POMZP3: variants seen among roughly 807,000 people sequenced by gnomAD.
POMZP3 encodes POM121 and ZP3 fusion protein.
POMZP3 carries 10 observed loss-of-function variants against 19.8 expected under a neutral mutation model. The observed-to-expected ratio is 0.51, with a 90% CI of 0.31 to 0.86. POMZP3 has a LOEUF of 0.86. Among genes scored for constraint, POMZP3 ranks in the 40% least tolerant of loss-of-function variants. The pLI, the probability that POMZP3 is intolerant of heterozygous loss-of-function variation, is 0.04. For missense variants in POMZP3, 152 were observed against 228.1 expected, an observed-to-expected ratio of 0.67 and a Z score of 2.15; for synonymous variants, 57 against 85.8, an observed-to-expected ratio of 0.66 and a Z score of 1.85.
At chr7:76,620,757 C>G (rs923883889) in intron 3 of POMZP3, among the ~76,000 whole-genome samples, 12 of 151,866 alleles carry the variant, frequency 7.9e-5, no homozygotes, top group Non-Finnish European at 1.3e-4. Flanking sequence ...CGTGAGTCAC[C>G]TGCCCAGATG....
chr7:76,620,351 C>G (rs1336777891), intron 3 of POMZP3, among the ~76,000 whole-genome samples: 2 of 87,368 alleles, frequency 2.3e-5, no homozygotes, highest in Non-Finnish European at 4.7e-5. Flanking sequence ...AAAAAAAGGA[C>G]AACACGTGGG....
At chr7:76,611,946 C>A in intron 4 of POMZP3, 133 bp from the exon 5 acceptor site, 1 of 1,498,262 alleles carries the variant, frequency 6.7e-7, no homozygotes, top group East Asian at 2.4e-5. Context: ...CACCTATAAT[C>A]CCAGCACTTT....
chr7:76,620,526 T>G (rs578222649), intron 3 of POMZP3, among the ~76,000 whole-genome samples: 1 of 150,180 alleles, frequency 6.7e-6, no homozygotes, highest in Non-Finnish European at 1.5e-5. Flanking sequence ...TAGAGTGCAA[T>G]GGTATGATCC....
rs1056119 is a variant in POMZP3 at position 76,626,174 on chromosome 7, C to G, written c.-110G>C. On this transcript the variant is annotated 5_prime_UTR_variant, in exon 2 of 7. Coordinates refer to ENST00000310842, the MANE Select transcript of POMZP3 (RefSeq NM_012230.5). ...GGCCTGATGGATCGGATAGCGTCTT[C>G]GAGGTGTTATTACAAACCGATCTGG... The G allele has an allele frequency of 3.8e-6, 6 of 1,586,176 alleles. No individual in the cohort carries two copies. In the African/African-American group the frequency reaches 5.4e-5, roughly 14 times the overall value.
intron 3 of POMZP3, among the ~76,000 whole-genome samples, chr7:76,618,892 A>G (rs1489166743): frequency 2.6e-5 from 4 of 151,968 alleles, no homozygotes; most frequent in African/African-American, 9.7e-5. Flanking sequence ...GGTTCAAGTG[A>G]TCTTCCTGCC....
chr7:76,624,942 C>T (rs967025808), intron 3 of POMZP3, among the ~76,000 whole-genome samples: 1 of 151,054 alleles, frequency 6.6e-6, no homozygotes, highest in Non-Finnish European at 1.5e-5. Flanking sequence ...ACCATCCTGG[C>T]CAACATGGTG....
In POMZP3 at chr7:76,626,148, G is replaced by T; in HGVS notation, c.-84C>A. 3 of 1,608,342 alleles carry T rather than the reference G, an allele frequency of 1.9e-6. No homozygotes were observed. The highest frequency in any genetic ancestry group is 2.5e-6 in the Non-Finnish European group (3 of 1,177,074). On this transcript the variant is annotated 5_prime_UTR_variant, in exon 2 of 7. Coordinates refer to ENST00000310842, the MANE Select transcript of POMZP3 (RefSeq NM_012230.5). ...GGAAGTACCCCCGGACAGGAATACTGGGCCTGATGGATCGGATAGCGTCTT... is the reference window on the plus strand; with the variant it reads ...GGAAGTACCCCCGGACAGGAATACTTGGCCTGATGGATCGGATAGCGTCTT...
In POMZP3 at chr7:76,626,689, G is replaced by A; in HGVS notation, c.-152+19C>T. 1 of 1,378,406 alleles carries A rather than the reference G, an allele frequency of 7.3e-7. No homozygotes were observed. The highest frequency in any genetic ancestry group is 9.3e-7 in the Non-Finnish European group (1 of 1,072,094). 85.4% of individuals were successfully genotyped at this position (1,378,406 alleles called of 1,614,324 possible). A position where few individuals can be genotyped will look rare whatever the true frequency, so the allele number is the denominator to read the frequency against. ...CCAGCCGAGCCAAAGGATGATCTGG[G>A]AAAATCAGCGCATCTCACCGTGGGG... On this transcript the variant is annotated intron_variant, in intron 1 of 6. Coordinates refer to ENST00000310842, the MANE Select transcript of POMZP3 (RefSeq NM_012230.5).
rs2480240 is a variant in POMZP3 at position 76,617,098 on chromosome 7, A to G, written c.345+1085T>C. Among the ~76,000 whole-genome samples the G allele has an allele frequency of 9.1e-4, 87 of 95,232 alleles. 13 individuals are homozygous for G. Among genetic ancestry groups the G allele is most frequent in the African/African-American group, 3.1e-3 (73 of 23,408 alleles). 62.5% of individuals were successfully genotyped at this position (95,232 alleles called of 152,430 possible). ...TCACTTGAACCTGGGAACCTGGAGT[A>G]GCTGGGACTACAGGTGCCCACCATC... On this transcript the variant is annotated intron_variant, in intron 4 of 6. Coordinates refer to ENST00000310842, the MANE Select transcript of POMZP3 (RefSeq NM_012230.5).
intron 3 of POMZP3, among the ~76,000 whole-genome samples, chr7:76,621,883 T>C (rs934982559): frequency 5.4e-5 from 7 of 130,624 alleles, no homozygotes; most frequent in Non-Finnish European, 1.2e-4. Context: ...GAGCTTGCAG[T>C]GAGCCGAGAT....
chr7:76,625,126 C>G (rs1283767095), intron 3 of POMZP3, among the ~76,000 whole-genome samples: 44 of 87,702 alleles, frequency 5.0e-4, no homozygotes, highest in African/African-American at 2.2e-3. Flanking sequence ...GAGACAGACT[C>G]CAACTCAAAA....
chr7:76,622,672 AGTTTT>A lies in POMZP3; in HGVS notation c.227+2845_227+2849del, dbSNP rs756934897. On this transcript the variant is annotated intron_variant, in intron 3 of 6. Transcript: ENST00000310842. The stretch of plus-strand genomic sequence containing the variant: ...AGCCACTGCGTCTGGCCCATTCTCA[AGTTTT>A]GTTTTGTTTTGTTTTAGAGACAAGG... Among the ~76,000 whole-genome samples, 546 of 150,334 alleles carry A rather than the reference AGTTTT, an allele frequency of 3.6e-3. 9 individuals carry two copies. Among genetic ancestry groups the A allele is most frequent in the Admixed American group, 8.6e-3 (130 of 15,086 alleles).
rs1193493149 is a variant in POMZP3 at position 76,613,507 on chromosome 7, C to CTTTTTT, written c.346-1700_346-1695dup. On this transcript the variant is annotated intron_variant, in intron 4 of 6. Transcript: ENST00000310842. The stretch of plus-strand genomic sequence containing the variant: ...ACCCTGTAAGCACTGCCCCCCTACC[C>CTTTTTT]TTTTTTTTTTTTTTTTTTCTGAGAC... 3.8e-3 allele frequency among the ~76,000 whole-genome samples: 256 copies of CTTTTTT among 67,400 alleles called. 62 individuals are homozygous for CTTTTTT. The highest frequency in any genetic ancestry group is 7.9e-3 in the African/African-American group (110 of 13,952). The allele number at this position is 67,400 out of a possible 152,430, so 44.2% of individuals were successfully genotyped here.
chr7:76,621,763 A>C (rs1815571942), intron 3 of POMZP3, among the ~76,000 whole-genome samples: 1 of 151,676 alleles, frequency 6.6e-6, no homozygotes, highest in Non-Finnish European at 1.5e-5. Context: ...ACACGGTGAA[A>C]TCCCATCTCT....
At chr7:76,613,928 C>T (rs1246492798) in intron 4 of POMZP3, among the ~76,000 whole-genome samples, 1 of 87,508 alleles carries the variant, frequency 1.1e-5, no homozygotes, top group Non-Finnish European at 2.3e-5. Flanking sequence ...AAATTCCTCC[C>T]TGCTCAACCT....
chr7:76,620,998 A>G (rs1206023218), intron 3 of POMZP3: 2 of 148,470 alleles, frequency 1.3e-5, no homozygotes, highest in Admixed American at 6.8e-5. Flanking sequence ...CCTCCTGAGT[A>G]GCTGGGATTA....
chr7:76,625,487 G>A (rs758146075), intron 3 of POMZP3, 35 bp downstream of exon 3: 129 of 1,604,058 alleles, frequency 8.0e-5, no homozygotes, highest in Non-Finnish European at 9.0e-5. Flanking sequence ...GAGTCCAAGC[G>A]GGAAACTGGC....
chr7:76,627,081 C>T lies in POMZP3; in HGVS notation c.-525G>A. On this transcript the variant is annotated 5_prime_UTR_variant, in exon 1 of 7. It adds an upstream start codon to the 5' untranslated region. Transcript: ENST00000310842. ...CTCGGGGCTCGCGGCTCAGTCCCCACCAGGCCGCGGTAGTCCCCACGGCCA... is the reference window on the plus strand; with the variant it reads ...CTCGGGGCTCGCGGCTCAGTCCCCATCAGGCCGCGGTAGTCCCCACGGCCA... 1.5e-6 allele frequency: 2 copies of T among 1,353,532 alleles called. No homozygotes were observed. Among genetic ancestry groups the T allele is most frequent in the Non-Finnish European group, 1.9e-6 (2 of 1,029,350 alleles). The allele number at this position is 1,353,532 out of a possible 1,614,324, so 83.8% of individuals were successfully genotyped here. A position where few individuals can be genotyped will look rare whatever the true frequency, so the allele number is the denominator to read the frequency against.
chr7:76,610,229 A>G lies in POMZP3; in HGVS notation c.*12-14T>C, dbSNP rs781250048. ...CTTCTTCTGTCACTGTGAAAGGAGAACACACAACCAAGGGTCATCTTAGTC... is the reference window on the plus strand; with the variant it reads ...CTTCTTCTGTCACTGTGAAAGGAGAGCACACAACCAAGGGTCATCTTAGTC... On this transcript the variant is annotated splice_polypyrimidine_tract_variant and intron_variant, in intron 6 of 6. Transcript: ENST00000310842. 1 of 1,613,840 alleles carries G rather than the reference A, an allele frequency of 6.2e-7. No homozygotes were observed. The highest frequency in any genetic ancestry group is 8.5e-7 in the Non-Finnish European group (1 of 1,179,830).
Sources: gnomAD v4.1 joint callset for allele counts (sites outside exome capture counted in the v4.1 genomes callset) on GRCh38, gnomAD v4.1.1 for gene constraint, MANE v1.5 for transcripts, NCBI Gene and HGNC (gene_info 2026-07-23, HGNC 2026-07-21) for gene names.